RIT2: variants seen among roughly 807,000 people sequenced by gnomAD.
RIT2 encodes the protein GTP-binding protein Rit2.
A neutral mutation model predicts 23.7 loss-of-function variants in RIT2; 24 were observed. The ratio of observed to expected loss-of-function variants is 1.01; its 90% CI spans 0.73 to 1.43. The LOEUF is 1.43. Ranked by LOEUF, RIT2 falls within the 40% of genes most tolerant of loss-of-function variation. RIT2 has a pLI of 0.00. For missense variants in RIT2, 236 were observed against 266.9 expected (o/e 0.88, Z 0.81); for synonymous variants, 107 against 91.1 (o/e 1.17, Z -0.99).
At chr18:42,968,634 T>C (rs1568042533) in intron 3 of RIT2, among the ~76,000 whole-genome samples, 1 of 152,236 alleles carries the variant, frequency 6.6e-6, no homozygotes, top group African/African-American at 2.4e-5. Context: ...CTTAAATATC[T>C]GGCTGTATTT....
At chr18:43,058,641 C>T (rs981337067) in intron 1 of RIT2, among the ~76,000 whole-genome samples, 10 of 152,106 alleles carry the variant, frequency 6.6e-5, no homozygotes, top group African/African-American at 1.9e-4. Context: ...AATTCCAGCA[C>T]TTTGGGAGGC....
At chr18:42,891,211 C>G (rs774322879) in intron 4 of RIT2, among the ~76,000 whole-genome samples, 1 of 152,092 alleles carries the variant, frequency 6.6e-6, no homozygotes, top group Non-Finnish European at 1.5e-5. Context: ...TAATAGTACA[C>G]TCAGCTTCAA....
rs778619263 is a variant in RIT2 at position 42,923,697 on chromosome 18, C to T, written c.301G>A (p.Val101Ile). ...GGEGFIICYS[V>I]TDRQSFQEAA... ...TCCTGAAATGATTGACGGTCAGTGA[C>T]GGAGTAGCAGATGATGAAGCCTTCC... is the stretch of plus-strand genomic sequence containing the variant. Residue 101 changes from valine to isoleucine, a missense_variant, in exon 4 of 5, where the codon GTC (valine) becomes ATC (isoleucine). Val to Ile is a conservative substitution (Grantham distance 29). Coordinates refer to ENST00000326695, the MANE Select transcript of RIT2 (RefSeq NM_002930.4). The T allele has an allele frequency of 6.2e-6, 10 of 1,612,246 alleles. No individual in the cohort carries two copies. In the East Asian group the frequency reaches 1.3e-4, roughly 22 times the overall value.
At chr18:42,789,896 T>C (rs10853498) in intron 4 of RIT2, among the ~76,000 whole-genome samples, 49,407 of 152,028 alleles carry the variant, frequency 0.32, 10,748 homozygotes, top group African/African-American at 0.61. Context: ...CCTTGTCTTG[T>C]TCCAGTTTTT....
chr18:42,866,651 A>G (rs1907478924), intron 4 of RIT2, among the ~76,000 whole-genome samples: 1 of 151,788 alleles, frequency 6.6e-6, no homozygotes, highest in South Asian at 2.1e-4. Context: ...AAAAAAAAAA[A>G]AAAGAAAACA....
At chr18:42,878,101 C>CAT (rs1166041553) in intron 4 of RIT2, among the ~76,000 whole-genome samples, 129 of 148,442 alleles carry the variant, frequency 8.7e-4, no homozygotes, top group South Asian at 1.9e-3. Context: ...CATACACACA[C>CAT]ATATATATAT....
At chr18:42,848,251 C>T (rs16977056) in intron 4 of RIT2, among the ~76,000 whole-genome samples, 21,888 of 152,112 alleles carry the variant, frequency 0.14, 1,653 homozygotes, top group Middle Eastern at 0.26. Flanking sequence ...TGGGTTTGCA[C>T]TGCAGAGCTG....
chr18:42,852,842 C>T (rs1050921234), intron 4 of RIT2, among the ~76,000 whole-genome samples: 1 of 108,514 alleles, frequency 9.2e-6, no homozygotes, highest in African/African-American at 3.6e-5. Flanking sequence ...TCTTTCTTTT[C>T]TTTCTTTTTT....
intron 4 of RIT2, among the ~76,000 whole-genome samples, chr18:42,894,139 A>G (rs1424498764): frequency 6.6e-6 from 1 of 152,200 alleles, no homozygotes; most frequent in Non-Finnish European, 1.5e-5. Flanking sequence ...TCACCTCCCT[A>G]TATATCCTGT....
chr18:42,829,714 G>A (rs1445929135), intron 4 of RIT2, among the ~76,000 whole-genome samples: 2 of 152,242 alleles, frequency 1.3e-5, no homozygotes, highest in South Asian at 2.1e-4. Flanking sequence ...ATAACAAGGA[G>A]CAGAGAGAAT....
intron 2 of RIT2, among the ~76,000 whole-genome samples, chr18:43,025,714 C>T (rs1442124202): frequency 6.6e-6 from 1 of 152,006 alleles, no homozygotes. Context: ...AGGCAATTAG[C>T]TTATGTGAAA....
chr18:42,787,796 C>A (rs1913954674), intron 4 of RIT2, among the ~76,000 whole-genome samples: 1 of 151,998 alleles, frequency 6.6e-6, no homozygotes, highest in South Asian at 2.1e-4. Flanking sequence ...AGTTTTCAAA[C>A]ATTTTGGATC....
chr18:42,946,975 C>T (rs1909743147), intron 3 of RIT2, among the ~76,000 whole-genome samples: 1 of 151,984 alleles, frequency 6.6e-6, no homozygotes, highest in Non-Finnish European at 1.5e-5. Flanking sequence ...ATACTATGGA[C>T]CAGTAGCAAA....
chr18:42,833,140 T>TC (rs138232483), intron 4 of RIT2, among the ~76,000 whole-genome samples: 7,758 of 150,408 alleles, frequency 0.052, 605 homozygotes, highest in East Asian at 0.33. Flanking sequence ...TCATCTCTCC[T>TC]CCCCCAACAC....
intron 2 of RIT2, among the ~76,000 whole-genome samples, chr18:42,992,638 C>T (rs1286004216): frequency 6.6e-6 from 1 of 152,196 alleles, no homozygotes; most frequent in Non-Finnish European, 1.5e-5. Context: ...CCCAGTCTGG[C>T]TTACAGTTTC....
intron 4 of RIT2, among the ~76,000 whole-genome samples, chr18:42,767,738 A>G (rs1913458156): frequency 6.6e-6 from 1 of 152,140 alleles, no homozygotes; most frequent in African/African-American, 2.4e-5. Context: ...GAATTCCCAC[A>G]TGTTTTAAGA....
chr18:42,771,014 A>G (rs1453889674), intron 4 of RIT2, among the ~76,000 whole-genome samples: 1 of 152,184 alleles, frequency 6.6e-6, no homozygotes, highest in Non-Finnish European at 1.5e-5. Context: ...TTGGATGCAG[A>G]ATACAAACTT....
intron 4 of RIT2, among the ~76,000 whole-genome samples, chr18:42,883,254 T>G (rs1230122279): frequency 6.6e-6 from 1 of 152,172 alleles, no homozygotes; most frequent in African/African-American, 2.4e-5. Flanking sequence ...CTAAGTTAGT[T>G]TTGTTCCTGA....
chr18:43,099,743 GT>G (rs888301358), intron 1 of RIT2, among the ~76,000 whole-genome samples: 8 of 151,976 alleles, frequency 5.3e-5, no homozygotes, highest in African/African-American at 1.4e-4. Flanking sequence ...ATCTTGCAGG[GT>G]TTTTTTCTGA....
Sources: gnomAD v4.1 joint callset for allele counts (sites outside exome capture counted in the v4.1 genomes callset) on GRCh38, gnomAD v4.1.1 for gene constraint, MANE v1.5 for transcripts, NCBI Gene and HGNC (gene_info 2026-07-23, HGNC 2026-07-21) for gene names.